Variants in MAPRE2 observed in about 807,000 individuals in gnomAD.
The protein encoded by MAPRE2 is microtubule-associated protein RP/EB family member 2.
Under a neutral mutation model 43.2 loss-of-function variants are expected in MAPRE2, and 13 were observed. The ratio of observed to expected loss-of-function variants is 0.30; its 90% CI spans 0.20 to 0.48. MAPRE2 has a LOEUF of 0.48. Among genes scored for constraint, MAPRE2 ranks in the 20% least tolerant of loss-of-function variants. The pLI is 0.99. For missense variants in MAPRE2, 161 were observed against 400.2 expected (o/e 0.40, Z 5.10); for synonymous variants, 135 against 148.8 (o/e 0.91, Z 0.68).
At chr18:35,101,917 G>T in intron 3 of MAPRE2, 29 bp from the exon 4 acceptor site, 1 of 1,519,526 alleles carries the variant, frequency 6.6e-7, no homozygotes, top group South Asian at 1.2e-5. Flanking sequence ...CGTGAGGTTT[G>T]TAACTCACAT....
chr18:35,080,127 A>C (rs927288575), intron 2 of MAPRE2, among the ~76,000 whole-genome samples: 2 of 152,242 alleles, frequency 1.3e-5, no homozygotes, highest in Non-Finnish European at 1.5e-5. Flanking sequence ...ATTGAATTGA[A>C]ATGCTATTCA....
intron 2 of MAPRE2, among the ~76,000 whole-genome samples, chr18:35,016,482 C>CT (rs2097038335): frequency 6.6e-6 from 1 of 152,122 alleles, no homozygotes; most frequent in Admixed American, 6.6e-5. Flanking sequence ...CGTTGGTTAA[C>CT]ATTTTAATAA....
intron 1 of MAPRE2, among the ~76,000 whole-genome samples, chr18:34,993,992 C>CTTTTTTTTTT (rs11301716): frequency 8.3e-6 from 1 of 120,034 alleles, no homozygotes. Context: ...CATGGATTTT[C>CTTTTTTTTTT]TTTTTTTTTT....
At chr18:35,025,625 T>C (rs2097044692) in intron 2 of MAPRE2, among the ~76,000 whole-genome samples, 2 of 152,210 alleles carry the variant, frequency 1.3e-5, no homozygotes, top group Non-Finnish European at 2.9e-5. Context: ...ACTGTTAACA[T>C]TTACATCATC....
At chr18:34,985,081 TA>T (rs2097018826) in intron 1 of MAPRE2, among the ~76,000 whole-genome samples, 1 of 85,962 alleles carries the variant, frequency 1.2e-5, no homozygotes, top group Non-Finnish European at 2.0e-5. Context: ...AAATATATTA[TA>T]AAAATATATA....
intron 2 of MAPRE2, among the ~76,000 whole-genome samples, chr18:35,089,006 G>T (rs1347935919): frequency 6.6e-6 from 1 of 152,166 alleles, no homozygotes; most frequent in Non-Finnish European, 1.5e-5. Flanking sequence ...GATGATGTGG[G>T]ATCAAGAAAC....
intron 6 of MAPRE2, 94 bp from the exon 7 acceptor site, chr18:35,140,201 T>G: frequency 1.8e-6 from 2 of 1,131,812 alleles, no homozygotes; most frequent in Non-Finnish European, 2.6e-6. Flanking sequence ...TCCACAGCCT[T>G]GAGACGCCAT....
At chr18:35,036,079 C>T (rs981491265) in intron 2 of MAPRE2, among the ~76,000 whole-genome samples, 2 of 151,284 alleles carry the variant, frequency 1.3e-5, no homozygotes, top group East Asian at 2.0e-4. Context: ...GAAACTTTAT[C>T]GCAAAAGAAC....
At chr18:35,118,660 G>A (rs542488136) in intron 4 of MAPRE2, among the ~76,000 whole-genome samples, 1 of 152,272 alleles carries the variant, frequency 6.6e-6, no homozygotes, top group South Asian at 2.1e-4. Context: ...GGCAGAGTGA[G>A]CCTTTTGAAA....
chr18:35,041,424 G>C lies in MAPRE2; in HGVS notation c.-116G>C. On this transcript the variant is annotated 5_prime_UTR_variant, in exon 1 of 7. Coordinates refer to ENST00000300249, the MANE Select transcript of MAPRE2 (RefSeq NM_014268.4). ...CGAGCGAGAGCTGGGAGAAGGCAGT[G>C]AGCGAGCAGGCGGCAGGCACGGTCC... 1.3e-6 allele frequency: 2 copies of C among 1,569,286 alleles called. No homozygotes were observed. The highest frequency in any genetic ancestry group is 1.7e-6 in the Non-Finnish European group (2 of 1,158,168).
At chr18:35,025,128 C>T (rs902251064) in intron 2 of MAPRE2, among the ~76,000 whole-genome samples, 5 of 152,100 alleles carry the variant, frequency 3.3e-5, no homozygotes, top group Admixed American at 2.6e-4. Flanking sequence ...GTTTCATAAC[C>T]ACTGTGAAGT....
intron 4 of MAPRE2, among the ~76,000 whole-genome samples, chr18:35,105,438 A>G (rs1908860302): frequency 6.6e-6 from 1 of 152,066 alleles, no homozygotes; most frequent in South Asian, 2.1e-4. Context: ...TATATCACAT[A>G]TAGAGTGTTA....
intron 6 of MAPRE2, among the ~76,000 whole-genome samples, chr18:35,137,740 G>A (rs531032757): frequency 4.3e-4 from 66 of 152,168 alleles, no homozygotes; most frequent in Non-Finnish European, 5.1e-4. Flanking sequence ...TAGCCACCCA[G>A]CAAGAACACA....
At chr18:35,033,717 T>C (rs1372529229) in intron 2 of MAPRE2, among the ~76,000 whole-genome samples, 1 of 151,218 alleles carries the variant, frequency 6.6e-6, no homozygotes, top group East Asian at 1.9e-4. Context: ...TATACACTAA[T>C]AACAGACAAA....
intron 1 of MAPRE2, among the ~76,000 whole-genome samples, chr18:34,984,905 G>A (rs1397602399): frequency 6.8e-5 from 1 of 14,772 alleles, no homozygotes; most frequent in African/African-American, 1.8e-4. Flanking sequence ...TATATTTTAT[G>A]TTATATAATA....
intron 2 of MAPRE2, among the ~76,000 whole-genome samples, chr18:35,090,841 T>C (rs1008635318): frequency 1.3e-5 from 2 of 152,146 alleles, no homozygotes; most frequent in African/African-American, 2.4e-5. Context: ...TTTAAAAAAC[T>C]GTTAGAACTA....
At chr18:35,034,472 C>T (rs2097049445) in intron 2 of MAPRE2, among the ~76,000 whole-genome samples, 1 of 152,056 alleles carries the variant, frequency 6.6e-6, no homozygotes, top group Admixed American at 6.5e-5. Context: ...ATGTCTAAAA[C>T]ACCAAAAGCA....
chr18:34,980,090 G>A (rs1445893909), intron 1 of MAPRE2, among the ~76,000 whole-genome samples: 7 of 134,496 alleles, frequency 5.2e-5, no homozygotes, highest in Non-Finnish European at 1.1e-4. Flanking sequence ...AGGCTGGCAC[G>A]ATTTCGGCTC....
chr18:35,017,487 T>C (rs1168070035), intron 2 of MAPRE2, among the ~76,000 whole-genome samples: 4 of 151,970 alleles, frequency 2.6e-5, no homozygotes, highest in African/African-American at 9.7e-5. Context: ...CTTTCAGCAG[T>C]GTTTTGTAGT....
Sources: gnomAD v4.1 joint callset for allele counts (sites outside exome capture counted in the v4.1 genomes callset) on GRCh38, gnomAD v4.1.1 for gene constraint, MANE v1.5 for transcripts, NCBI Gene and HGNC (gene_info 2026-07-23, HGNC 2026-07-21) for gene names.